FAM13A: variants seen among roughly 807,000 people sequenced by gnomAD.
FAM13A encodes protein FAM13A.
A neutral mutation model predicts 129.6 loss-of-function variants in FAM13A; 76 were observed. The observed-to-expected ratio is 0.59, with a 90% CI of 0.49 to 0.71. The LOEUF is 0.71. Ranked by LOEUF, FAM13A falls within the 30% of genes least tolerant of loss-of-function variation. FAM13A has a pLI of 0.00. For synonymous variants in FAM13A, 443 were observed against 449.9 expected (o/e 0.98, Z 0.20); for missense variants, 1,108 against 1,249.3 (o/e 0.89, Z 1.70).
Position 88,781,328 on chromosome 4 carries a change from G to A in FAM13A, c.1295C>T (p.Thr432Ile). 6.2e-7 allele frequency: 1 copy of A among 1,603,794 alleles called. No individual in the cohort carries two copies. Among genetic ancestry groups the A allele is most frequent in the Non-Finnish European group, 8.5e-7 (1 of 1,175,730 alleles). ...ATCAAGGTGGTTGAACCCAGAAGGA[G>A]TATTTTCTTTGTTGATAAGTCCCCT... ...RDKGLINKEN[T>I]PSGFNHLDDC... Residue 432 changes from threonine (T) to isoleucine (I), a missense_variant, in exon 11 of 24, where the codon ACT becomes ATT. Around this residue, in one of 3 missense-constraint regions of FAM13A, gnomAD observed 566 missense variants for 595.7 expected, o/e 0.95. Transcript: ENST00000264344.
At chr4:88,828,515 TTTATTA>T in intron 7 of FAM13A, among the ~76,000 whole-genome samples, 1 of 152,304 alleles carries the variant, frequency 6.6e-6, no homozygotes, top group African/African-American at 2.4e-5. Context: ...CCTGTACAGT[TTTATTA>T]TTATTTGAAT....
In FAM13A at chr4:88,998,064, C is replaced by A. The variant is rs116626832; in HGVS notation, c.428-6914G>T. Reference sequence around the variant, plus strand: ...TGCATGGAAGTGAATTCTGCCAACACTATGAATGAGTCTGGGAGTAGATTC... The same window carrying A: ...TGCATGGAAGTGAATTCTGCCAACAATATGAATGAGTCTGGGAGTAGATTC... On this transcript the variant is annotated intron_variant, in intron 3 of 23. Transcript: ENST00000264344. 6.3e-3 allele frequency among the ~76,000 whole-genome samples: 959 copies of A among 152,242 alleles called. 17 individuals carry two copies. The highest frequency in any genetic ancestry group is 0.022 in the African/African-American group (918 of 41,542).
At chr4:88,730,772 T>C (rs1466412578) in intron 23 of FAM13A, among the ~76,000 whole-genome samples, 1 of 152,204 alleles carries the variant, frequency 6.6e-6, no homozygotes, top group Non-Finnish European at 1.5e-5. Context: ...TGAAAATCAG[T>C]AATACTTAGA....
At chr4:88,984,167 C>T (rs1003006434) in intron 4 of FAM13A, among the ~76,000 whole-genome samples, 6 of 152,072 alleles carry the variant, frequency 3.9e-5, no homozygotes, top group Admixed American at 3.3e-4. Flanking sequence ...CTCCATAGAC[C>T]TAAACATAAC....
chr4:88,824,655 C>T (rs1732650989), intron 7 of FAM13A, among the ~76,000 whole-genome samples: 1 of 152,088 alleles, frequency 6.6e-6, no homozygotes, highest in African/African-American at 2.4e-5. Context: ...CCATATATTT[C>T]CATACCATTT....
At chr4:88,876,694 C>T (rs369940422) in intron 6 of FAM13A, among the ~76,000 whole-genome samples, 2 of 152,070 alleles carry the variant, frequency 1.3e-5, no homozygotes, top group East Asian at 1.9e-4. Context: ...CGAGTTCATG[C>T]CATTCTCCTG....
intron 2 of FAM13A, 34 bp downstream of exon 2, chr4:89,029,426 G>C (rs1379344791): frequency 8.4e-6 from 13 of 1,538,906 alleles, no homozygotes; most frequent in Non-Finnish European, 1.2e-5. Context: ...AAGGGACTGT[G>C]AAAATGAACA....
chr4:88,924,842 TCAAA>T (rs1161549126), intron 5 of FAM13A, among the ~76,000 whole-genome samples: 3 of 150,548 alleles, frequency 2.0e-5, no homozygotes, highest in African/African-American at 7.3e-5. Flanking sequence ...TACAATGAAC[TCAAA>T]CAAATTTACA....
chr4:88,903,689 G>T (rs1487835600), intron 6 of FAM13A, among the ~76,000 whole-genome samples: 1 of 152,046 alleles, frequency 6.6e-6, no homozygotes, highest in African/African-American at 2.4e-5. Context: ...GAAAATCTAG[G>T]CAATACCATT....
chr4:88,762,693 CTAGTCTGGGTGAAG>C (rs746851425), intron 13 of FAM13A, among the ~76,000 whole-genome samples: 66 of 152,018 alleles, frequency 4.3e-4, no homozygotes, highest in Non-Finnish European at 8.1e-4. Flanking sequence ...AAATGTTAGC[CTAGTCTGGGTGAAG>C]CACCTTGCCC....
intron 7 of FAM13A, among the ~76,000 whole-genome samples, chr4:88,845,183 GA>G (rs34018381): frequency 0.083 from 12,384 of 149,796 alleles, 846 homozygotes; most frequent in African/African-American, 0.19. Context: ...TGGAGACATT[GA>G]AAAAAAAACA....
At chr4:88,906,355 G>T in intron 6 of FAM13A, 24 bp downstream of exon 6, 2 of 1,419,406 alleles carry the variant, frequency 1.4e-6, no homozygotes, top group Non-Finnish European at 2.0e-6. Context: ...TCACATGGTC[G>T]CCTACAGAGA....
intron 4 of FAM13A, among the ~76,000 whole-genome samples, chr4:88,939,946 T>A (rs1754483497): frequency 6.6e-6 from 1 of 152,106 alleles, no homozygotes; most frequent in Admixed American, 6.6e-5. Context: ...AGCCTTTAGA[T>A]AAAAACGCAA....
chr4:89,019,219 C>G (rs1215625781), intron 3 of FAM13A, among the ~76,000 whole-genome samples: 1 of 152,170 alleles, frequency 6.6e-6, no homozygotes, highest in African/African-American at 2.4e-5. Flanking sequence ...CTTGTCCTAT[C>G]TGGCCTTCTC....
chr4:89,020,413 A>G (rs1174470249), intron 3 of FAM13A, 47 bp downstream of exon 3: 17 of 1,417,886 alleles, frequency 1.2e-5, no homozygotes, highest in Non-Finnish European at 1.7e-5. Flanking sequence ...CACCGTGCCC[A>G]GCCTAGTAAA....
intron 7 of FAM13A, among the ~76,000 whole-genome samples, chr4:88,812,503 C>G (rs897048188): frequency 3.9e-5 from 6 of 152,178 alleles, no homozygotes; most frequent in African/African-American, 1.2e-4. Flanking sequence ...TTTTGCAACT[C>G]TTTCCATTTG....
chr4:88,919,682 GC>G (rs950796378), intron 5 of FAM13A, among the ~76,000 whole-genome samples: 1 of 152,238 alleles, frequency 6.6e-6, no homozygotes. Context: ...ACTAGGGAGT[GC>G]CAGACAGTGG....
intron 4 of FAM13A, among the ~76,000 whole-genome samples, chr4:88,961,347 C>CTTTTTTTTTTTTTTTTTTTTTT: frequency 1.8e-5 from 1 of 55,442 alleles, no homozygotes; most frequent in Non-Finnish European, 3.4e-5. Context: ...TGGAATTTGC[C>CTTTTTTTTTTTTTTTTTTTTTT]TTTTTTTTTT....
chr4:88,815,395 C>T (rs950638763), intron 7 of FAM13A, among the ~76,000 whole-genome samples: 1 of 152,098 alleles, frequency 6.6e-6, no homozygotes, highest in Non-Finnish European at 1.5e-5. Context: ...CCATATCTGG[C>T]TTTGGGATAA....
Sources: allele counts gnomAD v4.1 joint callset (sites outside exome capture counted in the v4.1 genomes callset), GRCh38; gene constraint gnomAD v4.1.1; regional missense constraint gnomAD v4.1.1; transcripts MANE v1.5; gene names NCBI Gene and HGNC (gene_info 2026-07-23, HGNC 2026-07-21).